The following TOMM20 variants were observed in gnomAD, a reference collection of about 807,000 sequenced individuals.
TOMM20 encodes mitochondrial import receptor subunit TOM20 homolog.
In TOMM20, 10 loss-of-function variants were observed where a neutral mutation model predicts 22.1. That is an observed-to-expected ratio of 0.45 (90% CI 0.28 to 0.77). The LOEUF is 0.77. Among genes scored for constraint, TOMM20 ranks in the 30% least tolerant of loss-of-function variants. The pLI is 0.13. For missense variants in TOMM20, 121 were observed against 172.2 expected (o/e 0.70, Z 1.66); for synonymous variants, 55 against 61.4 (o/e 0.90, Z 0.49).
At chr1:235,128,052 T>C in intron 1 of TOMM20, 2 of 328,676 alleles carry the variant, frequency 6.1e-6, no homozygotes, top group Non-Finnish European at 1.2e-5. Flanking sequence ...CGCCCGACTG[T>C]AATCCCAGCT....
chr1:235,121,136 T>C (rs982394807), intron 2 of TOMM20, among the ~76,000 whole-genome samples: 4 of 151,386 alleles, frequency 2.6e-5, no homozygotes, highest in Middle Eastern at 6.8e-3. Context: ...GAGGCAGAGG[T>C]TGCAGTGAGC....
chr1:235,127,438 C>G (rs1012957939), intron 1 of TOMM20, among the ~76,000 whole-genome samples: 1 of 152,184 alleles, frequency 6.6e-6, no homozygotes, highest in Non-Finnish European at 1.5e-5. Flanking sequence ...TATCCCTTCC[C>G]TCCTAAAACA....
At chr1:235,118,184 T>C (rs1332693094) in intron 3 of TOMM20, among the ~76,000 whole-genome samples, 2 of 152,258 alleles carry the variant, frequency 1.3e-5, no homozygotes. Flanking sequence ...GATCTTGTCA[T>C]TTTGAGCTCC....
At chr1:235,121,996 G>T (rs1660938783) in intron 2 of TOMM20, among the ~76,000 whole-genome samples, 1 of 152,156 alleles carries the variant, frequency 6.6e-6, no homozygotes, top group African/African-American at 2.4e-5. Context: ...AATCTTAAGT[G>T]TAATATTGTA....
intron 3 of TOMM20, among the ~76,000 whole-genome samples, chr1:235,118,998 G>T (rs1292252495): frequency 6.6e-6 from 1 of 152,138 alleles, no homozygotes; most frequent in East Asian, 1.9e-4. Flanking sequence ...CCCCATAAAA[G>T]AAACAACAAA....
chr1:235,120,143 GAA>G (rs1278941518), intron 2 of TOMM20, among the ~76,000 whole-genome samples: 1 of 152,198 alleles, frequency 6.6e-6, no homozygotes, highest in Non-Finnish European at 1.5e-5. Context: ...AATGTAAAGA[GAA>G]AAGAGTGCAA....
Position 235,113,893 on chromosome 1 carries a change from C to T in TOMM20, c.268G>A (p.Val90Ile), listed in dbSNP as rs768263336. Residue 90 changes from valine (V) to isoleucine (I), a missense_variant, in exon 4 of 5, where the codon GTA becomes ATA. Coordinates refer to ENST00000366607, the MANE Select transcript of TOMM20 (RefSeq NM_014765.3). ...LLAQGEYEKG[V>I]DHLTNAIAVC... ...GCAATTGCATTTGTCAGATGGTCTA[C>T]GCCCTTCTCATATTCACCTGTAAGA... 9 of 1,594,598 alleles carry T rather than the reference C, an allele frequency of 5.6e-6. No individual in the cohort carries two copies. The highest frequency in any genetic ancestry group is 2.2e-5 in the East Asian group (1 of 44,456).
chr1:235,119,589 C>T (rs552971448), intron 3 of TOMM20, among the ~76,000 whole-genome samples: 2 of 152,250 alleles, frequency 1.3e-5, no homozygotes, highest in South Asian at 4.1e-4. Context: ...AAACCTAAAA[C>T]TCACTTAAAA....
chr1:235,117,101 C>G (rs1660846466), intron 3 of TOMM20, among the ~76,000 whole-genome samples: 1 of 127,552 alleles, frequency 7.8e-6, no homozygotes, highest in Non-Finnish European at 1.6e-5. Context: ...CGCCACTGCA[C>G]TCCAGCCTGG....
Position 235,123,038 on chromosome 1 carries a change from T to C in TOMM20, c.122-666A>G, listed in dbSNP as rs76029575. The stretch of plus-strand genomic sequence containing the variant: ...GGCTCCAATACTTATTATTAGCTAA[T>C]ACTTATTAGCTGGGTGATCTTAGGC... On this transcript the variant is annotated intron_variant, in intron 1 of 4. Coordinates refer to ENST00000366607, the MANE Select transcript of TOMM20 (RefSeq NM_014765.3). Among the ~76,000 whole-genome samples the C allele has an allele frequency of 2.9e-3, 448 of 152,306 alleles. 3 individuals carry two copies. The highest frequency in any genetic ancestry group is 0.01 in the African/African-American group (422 of 41,564).
At position 235,109,998 on chromosome 1, in the gene TOMM20, C is replaced by A. The variant is rs1174368044; in HGVS notation, c.*2066G>T. 6.6e-6 allele frequency: 1 copy of A among 152,164 alleles called. No homozygotes were observed. The highest frequency in any genetic ancestry group is 1.5e-5 in the Non-Finnish European group (1 of 68,034). 9.4% of individuals were successfully genotyped at this position (152,164 alleles called of 1,614,324 possible). The stretch of plus-strand genomic sequence containing the variant: ...GCAATTACATTTCTGGGAGAAAAAA[C>A]TGCTGATTTTTTCTTTAACTCGACA... On this transcript the variant is annotated 3_prime_UTR_variant, in exon 5 of 5. Transcript: ENST00000366607.
intron 3 of TOMM20, among the ~76,000 whole-genome samples, chr1:235,116,772 T>C (rs1421724610): frequency 6.6e-6 from 1 of 152,080 alleles, no homozygotes; most frequent in Non-Finnish European, 1.5e-5. Flanking sequence ...TTAAGATCAT[T>C]TTTTACTAGA....
chr1:235,128,731 G>C lies in TOMM20; in HGVS notation c.-16C>G, dbSNP rs187189945. 1 of 1,613,584 alleles carries C rather than the reference G, an allele frequency of 6.2e-7. No homozygotes were observed. The highest frequency in any genetic ancestry group is 1.1e-5 in the South Asian group (1 of 91,092). On this transcript the variant is annotated 5_prime_UTR_variant, in exon 1 of 5. Transcript: ENST00000366607. Reference sequence around the variant, plus strand: ...GACCCACCATCTTCTCTACAACGCTGAGCGTGGACGGTGGCGGCAGGGACC... The same window carrying C: ...GACCCACCATCTTCTCTACAACGCTCAGCGTGGACGGTGGCGGCAGGGACC...
At chr1:235,116,901 C>T (rs974540668) in intron 3 of TOMM20, among the ~76,000 whole-genome samples, 45 of 151,974 alleles carry the variant, frequency 3.0e-4, no homozygotes, top group Non-Finnish European at 4.3e-4. Context: ...TTTGGGAGGC[C>T]AAGGCGGGCG....
intron 1 of TOMM20, among the ~76,000 whole-genome samples, chr1:235,125,451 G>C (rs1045693707): frequency 5.3e-5 from 8 of 151,934 alleles, no homozygotes; most frequent in Admixed American, 5.2e-4. Flanking sequence ...TCCTGACCTT[G>C]TGATCCGCCC....
At chr1:235,117,130 A>G (rs61837170) in intron 3 of TOMM20, among the ~76,000 whole-genome samples, 30 of 74,424 alleles carry the variant, frequency 4.0e-4, no homozygotes, top group South Asian at 2.3e-3. Flanking sequence ...GCGAGACTCC[A>G]TCTCAAAAAA....
intron 3 of TOMM20, among the ~76,000 whole-genome samples, chr1:235,116,396 G>A (rs1481956120): frequency 1.3e-5 from 2 of 152,008 alleles, no homozygotes; most frequent in Non-Finnish European, 1.5e-5. Context: ...AAAATTAGCT[G>A]AGCATGGTAG....
At chr1:235,128,031 G>C (rs1486313157) in intron 1 of TOMM20, 1 of 349,360 alleles carries the variant, frequency 2.9e-6, no homozygotes, top group Non-Finnish European at 5.7e-6. Flanking sequence ...AAAAATCACC[G>C]GGCGTGGTGA....
In TOMM20 at chr1:235,112,259, A is replaced by G. The variant is rs553445771; in HGVS notation, c.394-151T>C. On this transcript the variant is annotated intron_variant, in intron 4 of 4. Coordinates refer to ENST00000366607, the MANE Select transcript of TOMM20 (RefSeq NM_014765.3). ...TAATTCAAAATGTAACACTTTACACACAGTCGGCATCCAAGAAAACAATGA... is the reference window on the plus strand; with the variant it reads ...TAATTCAAAATGTAACACTTTACACGCAGTCGGCATCCAAGAAAACAATGA... 15 of 659,068 alleles carry G rather than the reference A, an allele frequency of 2.3e-5. No homozygotes were observed. In the East Asian group the frequency reaches 4.0e-4, roughly 17 times the overall value. The allele number at this position is 659,068 out of a possible 1,614,324, so 40.8% of individuals were successfully genotyped here. A position where few individuals can be genotyped will look rare whatever the true frequency, so the allele number is the denominator to read the frequency against.
Sources: allele counts gnomAD v4.1 joint callset (sites outside exome capture counted in the v4.1 genomes callset), GRCh38; gene constraint gnomAD v4.1.1; transcripts MANE v1.5; gene names NCBI Gene and HGNC (gene_info 2026-07-23, HGNC 2026-07-21).